The following DPYD variants were observed in gnomAD, a reference collection of about 807,000 sequenced individuals.
DPYD encodes the protein dihydropyrimidine dehydrogenase [NADP(+)].
DPYD carries 109 observed loss-of-function variants against 116.2 expected under a neutral mutation model. The ratio of observed to expected loss-of-function variants is 0.94; its 90% CI spans 0.80 to 1.10. The LOEUF (loss-of-function observed/expected upper bound fraction) is 1.10. Among genes scored for constraint, DPYD ranks in the 50% least tolerant of loss-of-function variants. DPYD has a pLI of 0.00. For missense variants in DPYD, 1,302 were observed against 1,254.5 expected, an observed-to-expected ratio of 1.04 and a Z score of -0.57; for synonymous variants, 440 against 432.0, an observed-to-expected ratio of 1.02 and a Z score of -0.23.
intron 18 of DPYD, among the ~76,000 whole-genome samples, chr1:97,283,474 T>A (rs916586023): frequency 1.3e-5 from 2 of 152,148 alleles, no homozygotes; most frequent in African/African-American, 2.4e-5. Flanking sequence ...TTCCTCTTGC[T>A]CTTAAATTTT....
intron 3 of DPYD, among the ~76,000 whole-genome samples, chr1:97,775,581 G>A (rs904000860): frequency 6.6e-6 from 1 of 152,046 alleles, no homozygotes; most frequent in Non-Finnish European, 1.5e-5. Flanking sequence ...TCTCTTTGGG[G>A]TATACCTATT....
chr1:97,460,150 GA>G (rs1325032971), intron 13 of DPYD, among the ~76,000 whole-genome samples: 2 of 152,126 alleles, frequency 1.3e-5, no homozygotes, highest in African/African-American at 4.8e-5. Flanking sequence ...TTATTAAGCA[GA>G]AAAAAAGCAG....
At chr1:97,330,622 A>C (rs943430631) in intron 16 of DPYD, among the ~76,000 whole-genome samples, 3 of 152,198 alleles carry the variant, frequency 2.0e-5, no homozygotes, top group African/African-American at 7.2e-5. Context: ...GTGATTTAAA[A>C]ATATACAACA....
chr1:97,700,133 G>A, intron 5 of DPYD: 1 of 434,410 alleles, frequency 2.3e-6, no homozygotes, highest in Admixed American at 2.6e-5. Flanking sequence ...AGGAAAGTAA[G>A]AACAAAGTTA....
At chr1:97,425,204 G>A (rs1020017313) in intron 14 of DPYD, among the ~76,000 whole-genome samples, 2 of 151,924 alleles carry the variant, frequency 1.3e-5, no homozygotes, top group Non-Finnish European at 2.9e-5. Flanking sequence ...ATAAATAGAT[G>A]TTACCACATT....
At chr1:97,759,290 T>C (rs1283979961) in intron 3 of DPYD, among the ~76,000 whole-genome samples, 1 of 152,174 alleles carries the variant, frequency 6.6e-6, no homozygotes, top group Non-Finnish European at 1.5e-5. Context: ...TTAGGTCAGA[T>C]TTCTTATTCC....
intron 19 of DPYD, among the ~76,000 whole-genome samples, chr1:97,228,657 A>G (rs1661357753): frequency 6.6e-6 from 1 of 152,176 alleles, no homozygotes; most frequent in African/African-American, 2.4e-5. Flanking sequence ...CATAACCTAG[A>G]TATTTAAATC....
intron 3 of DPYD, among the ~76,000 whole-genome samples, chr1:97,751,379 T>C (rs1276314083): frequency 2.1e-5 from 3 of 143,548 alleles, no homozygotes; most frequent in Non-Finnish European, 4.5e-5. Flanking sequence ...CACATATATA[T>C]ACATATATGT....
intron 1 of DPYD, among the ~76,000 whole-genome samples, chr1:97,890,952 G>A (rs1371218194): frequency 6.6e-6 from 1 of 151,848 alleles, no homozygotes; most frequent in Non-Finnish European, 1.5e-5. Context: ...GAAATATTGG[G>A]TTAACCTTTT....
chr1:97,644,486 T>C (rs1406710222), intron 8 of DPYD, among the ~76,000 whole-genome samples: 1 of 152,164 alleles, frequency 6.6e-6, no homozygotes, highest in African/African-American at 2.4e-5. Context: ...TGAAGTGCAG[T>C]GTCACAATCT....
chr1:97,718,313 AT>A lies in DPYD; in HGVS notation c.483+3196del, dbSNP rs558106236. On this transcript the variant is annotated intron_variant, in intron 5 of 22. Transcript: ENST00000370192. Reference sequence around the variant, plus strand: ...TGTCCTTAGCCTACTTTTTGATGGGATTTTTTTTTTCTCGCTGATTTGTTTG... The same window carrying A: ...TGTCCTTAGCCTACTTTTTGATGGGATTTTTTTTTCTCGCTGATTTGTTTG... 4.4e-4 allele frequency among the ~76,000 whole-genome samples: 65 copies of A among 146,866 alleles called. 1 individual carries two copies. The South Asian group carries it at 8.3e-3, about 19-fold the overall frequency.
chr1:97,078,794 T>C lies in DPYD; in HGVS notation c.*182A>G, dbSNP rs1648956195. The stretch of plus-strand genomic sequence containing the variant: ...ATTATTCTATTTTATGACCACTAAT[T>C]GAATGGTCATTGACATGAGACATTT... On this transcript the variant is annotated 3_prime_UTR_variant, in exon 23 of 23. Transcript: ENST00000370192. 1.5e-6 allele frequency: 1 copy of C among 673,206 alleles called. No homozygotes were observed. Among genetic ancestry groups the C allele is most frequent in the Non-Finnish European group, 2.5e-6 (1 of 398,488 alleles). The allele number at this position is 673,206 out of a possible 1,614,324, so 41.7% of individuals were successfully genotyped here. A position where few individuals can be genotyped will look rare whatever the true frequency, so the allele number is the denominator to read the frequency against.
chr1:97,704,072 TTA>T (rs1414039310), intron 5 of DPYD, among the ~76,000 whole-genome samples: 1 of 152,028 alleles, frequency 6.6e-6, no homozygotes, highest in Non-Finnish European at 1.5e-5. Flanking sequence ...ACTTTCCAAC[TTA>T]ATAGAGATCT....
chr1:97,424,734 A>G (rs570283648), intron 14 of DPYD, among the ~76,000 whole-genome samples: 2 of 152,124 alleles, frequency 1.3e-5, no homozygotes, highest in Non-Finnish European at 2.9e-5. Flanking sequence ...TTTAAATATT[A>G]TATTTTGGAT....
intron 14 of DPYD, among the ~76,000 whole-genome samples, chr1:97,448,713 G>A (rs1048912164): frequency 9.3e-5 from 14 of 150,998 alleles, no homozygotes; most frequent in Admixed American, 9.3e-4. Flanking sequence ...CTCATATAGA[G>A]TTAATTATAT....
At chr1:97,768,545 A>C (rs1665990272) in intron 3 of DPYD, among the ~76,000 whole-genome samples, 1 of 152,200 alleles carries the variant, frequency 6.6e-6, no homozygotes, top group Non-Finnish European at 1.5e-5. Context: ...TAAGAACTTT[A>C]AGTATTCTTT....
At chr1:97,494,557 A>G (rs1371851824) in intron 13 of DPYD, among the ~76,000 whole-genome samples, 1 of 152,088 alleles carries the variant, frequency 6.6e-6, no homozygotes, top group Non-Finnish European at 1.5e-5. Context: ...AGCCTGGGCA[A>G]CATGGCAAGA....
intron 1 of DPYD, among the ~76,000 whole-genome samples, chr1:97,919,593 T>A (rs1452757264): frequency 6.6e-6 from 1 of 152,138 alleles, no homozygotes; most frequent in South Asian, 2.1e-4. Flanking sequence ...TAAAATTTTT[T>A]AAAAAGTTAA....
intron 19 of DPYD, among the ~76,000 whole-genome samples, chr1:97,214,058 T>C (rs577118157): frequency 6.6e-6 from 1 of 152,262 alleles, no homozygotes; most frequent in African/African-American, 2.4e-5. Flanking sequence ...GCACTTCTCC[T>C]GGGTTTCCAG....
Sources: gnomAD v4.1 joint callset for allele counts (sites outside exome capture counted in the v4.1 genomes callset) on GRCh38, gnomAD v4.1.1 for gene constraint, MANE v1.5 for transcripts, NCBI Gene and HGNC (gene_info 2026-07-23, HGNC 2026-07-21) for gene names.